Variants in GRIA4 observed in about 807,000 individuals in gnomAD.
GRIA4 encodes the protein glutamate ionotropic receptor AMPA type subunit 4.
Under a neutral mutation model 104.0 loss-of-function variants are expected in GRIA4, and 34 were observed. The observed-to-expected ratio is 0.33, with a 90% confidence interval of 0.25 to 0.44. GRIA4 has a LOEUF of 0.44. Ranked by LOEUF, GRIA4 falls within the 20% of genes least tolerant of loss-of-function variation. GRIA4 has a pLI of 1.00. For synonymous variants in GRIA4, 386 were observed against 381.9 expected (o/e 1.01, Z -0.13); for missense variants, 750 against 1,096.5 (o/e 0.68, Z 4.46).
chr11:105,629,760 T>C (rs1950984716), intron 3 of GRIA4, among the ~76,000 whole-genome samples: 1 of 152,218 alleles, frequency 6.6e-6, no homozygotes. Flanking sequence ...AGGGAATCTT[T>C]TGGCATTTTA....
chr11:105,717,316 A>G (rs979715167), intron 3 of GRIA4, among the ~76,000 whole-genome samples: 2 of 152,054 alleles, frequency 1.3e-5, no homozygotes, highest in Admixed American at 6.6e-5. Flanking sequence ...CCCTAAAAGC[A>G]TAAAAAGAAA....
intron 4 of GRIA4, among the ~76,000 whole-genome samples, chr11:105,773,011 GA>G (rs1340181121): frequency 6.6e-6 from 1 of 152,136 alleles, no homozygotes; most frequent in African/African-American, 2.4e-5. Context: ...CAACAATGCA[GA>G]TGAGGAGAGA....
intron 4 of GRIA4, among the ~76,000 whole-genome samples, chr11:105,808,642 T>C (rs1943049742): frequency 6.6e-6 from 1 of 152,054 alleles, no homozygotes; most frequent in Admixed American, 6.6e-5. Context: ...CTTTAAAAAC[T>C]GATAGAGATT....
chr11:105,774,359 A>C (rs1222149088), intron 4 of GRIA4, among the ~76,000 whole-genome samples: 1 of 151,990 alleles, frequency 6.6e-6, no homozygotes, highest in East Asian at 1.9e-4. Flanking sequence ...TAAATAGTAA[A>C]AGATAAAAGT....
At chr11:105,670,286 C>T (rs1412143082) in intron 3 of GRIA4, among the ~76,000 whole-genome samples, 1 of 152,060 alleles carries the variant, frequency 6.6e-6, no homozygotes, top group Non-Finnish European at 1.5e-5. Flanking sequence ...GCTTAATTTC[C>T]ATGGATACTT....
intron 3 of GRIA4, among the ~76,000 whole-genome samples, chr11:105,644,541 T>C (rs1006733036): frequency 2.0e-5 from 3 of 151,856 alleles, no homozygotes; most frequent in Non-Finnish European, 2.9e-5. Flanking sequence ...GAGATGGAGG[T>C]TGCAGTGAGC....
rs141859933 is a variant in GRIA4 at position 105,611,063 on chromosome 11, C to A, written c.66C>A (p.Ala22=). ...FSGFWGLAMG[A]FPSSVQIGGL... ...GATTTTGGGGACTCGCCATGGGAGC[C>A]TTTCCGAGCAGCGTGCAAATAGGTA... The change falls in exon 2 of 17, where the codon GCC becomes GCA. Residue 22 remains alanine, a synonymous_variant. Coordinates refer to ENST00000282499, the MANE Select transcript of GRIA4 (RefSeq NM_000829.4). The A allele has an allele frequency of 2.5e-6, 4 of 1,613,246 alleles. No individual in the cohort carries two copies. The highest frequency in any genetic ancestry group is 3.4e-6 in the Non-Finnish European group (4 of 1,179,382).
intron 4 of GRIA4, among the ~76,000 whole-genome samples, chr11:105,777,451 A>T (rs1031479992): frequency 6.6e-6 from 1 of 152,180 alleles, no homozygotes; most frequent in African/African-American, 2.4e-5. Flanking sequence ...CATTCTATGT[A>T]TTTAATATTT....
chr11:105,833,766 T>C (rs891467617), intron 4 of GRIA4, among the ~76,000 whole-genome samples: 1 of 151,922 alleles, frequency 6.6e-6, no homozygotes, highest in Non-Finnish European at 1.5e-5. Context: ...CTATGTGCTG[T>C]CAAAAGTGTG....
chr11:105,729,640 C>T (rs1938456757), intron 3 of GRIA4, among the ~76,000 whole-genome samples: 2 of 152,130 alleles, frequency 1.3e-5, no homozygotes, highest in Non-Finnish European at 1.5e-5. Context: ...TCAAGCAGCA[C>T]ATTAAAAAGC....
In GRIA4 at chr11:105,634,501, GA is replaced by G. The variant is rs1156691358; in HGVS notation, c.247+22070del. Among the ~76,000 whole-genome samples, 401 of 66,458 alleles carry G rather than the reference GA, an allele frequency of 6.0e-3. 4 individuals are homozygous for G. Among genetic ancestry groups the G allele is most frequent in the Middle Eastern group, 0.024 (3 of 124 alleles). 43.6% of individuals were successfully genotyped at this position (66,458 alleles called of 152,430 possible). A position where few individuals can be genotyped will look rare whatever the true frequency, so the allele number is the denominator to read the frequency against. On this transcript the variant is annotated intron_variant, in intron 3 of 16. Coordinates refer to ENST00000282499, the MANE Select transcript of GRIA4 (RefSeq NM_000829.4). ...AGAAAGAAAGAAAGAAAGAAAGAAA[GA>G]AAGAAAGAAAGAAGAAAGAAAGAAA...
chr11:105,723,715 T>C (rs1001342265), intron 3 of GRIA4, among the ~76,000 whole-genome samples: 2 of 152,116 alleles, frequency 1.3e-5, no homozygotes, highest in Non-Finnish European at 2.9e-5. Context: ...TTTGTGTGCA[T>C]GTGTAACTAT....
intron 5 of GRIA4, among the ~76,000 whole-genome samples, chr11:105,863,015 G>A (rs985615873): frequency 6.6e-6 from 1 of 152,096 alleles, no homozygotes; most frequent in African/African-American, 2.4e-5. Context: ...TCTACAATAC[G>A]TTAGTTCAGC....
intron 4 of GRIA4, among the ~76,000 whole-genome samples, chr11:105,827,076 G>C (rs182900021): frequency 1.3e-5 from 2 of 152,032 alleles, no homozygotes; most frequent in African/African-American, 4.8e-5. Context: ...ACCACTCACT[G>C]TTCCAGGTGC....
intron 3 of GRIA4, among the ~76,000 whole-genome samples, chr11:105,733,459 TTTC>T (rs931989626): frequency 4.6e-5 from 7 of 152,122 alleles, no homozygotes; most frequent in African/African-American, 1.7e-4. Context: ...CGTCTATTCT[TTTC>T]TTTTTTCTTT....
At chr11:105,867,776 G>A (rs1263895320) in intron 5 of GRIA4, among the ~76,000 whole-genome samples, 4 of 152,192 alleles carry the variant, frequency 2.6e-5, no homozygotes, top group African/African-American at 9.6e-5. Context: ...ATAGTTATAA[G>A]GAGGAGGAGT....
chr11:105,614,170 A>C (rs1193473551), intron 3 of GRIA4: 1 of 151,664 alleles, frequency 6.6e-6, no homozygotes, highest in Non-Finnish European at 1.5e-5. Context: ...ATCAATAGTA[A>C]TTATTTTAAC....
At chr11:105,660,781 A>T (rs1281271641) in intron 3 of GRIA4, among the ~76,000 whole-genome samples, 1 of 151,634 alleles carries the variant, frequency 6.6e-6, no homozygotes, top group South Asian at 2.1e-4. Flanking sequence ...ACTCCAAGAC[A>T]TATCTATATA....
intron 3 of GRIA4, among the ~76,000 whole-genome samples, chr11:105,651,481 AG>A (rs1288064078): frequency 2.6e-5 from 4 of 152,138 alleles, no homozygotes; most frequent in African/African-American, 9.7e-5. Flanking sequence ...CTCATTTTTT[AG>A]AGAAAACTTT....
Sources: gnomAD v4.1 joint callset for allele counts (sites outside exome capture counted in the v4.1 genomes callset) on GRCh38, gnomAD v4.1.1 for gene constraint, MANE v1.5 for transcripts, NCBI Gene and HGNC (gene_info 2026-07-23, HGNC 2026-07-21) for gene names.